The following ADAMTSL1 variants were observed in gnomAD, a reference collection of about 807,000 sequenced individuals.
ADAMTSL1 encodes the protein ADAMTS like 1, also known as ADAMTS-like protein 1.
ADAMTSL1 carries 126 observed loss-of-function variants against 201.8 expected under a neutral mutation model. The observed-to-expected ratio is 0.62, with a 90% CI of 0.54 to 0.72. ADAMTSL1 has a LOEUF of 0.72. Ranked by LOEUF, ADAMTSL1 falls within the 30% of genes least tolerant of loss-of-function variation. The probability of loss-of-function intolerance (pLI) is 0.00; values close to 1 mark genes in which losing one functional copy is unlikely to be tolerated. For missense variants in ADAMTSL1, 2,679 were observed against 2,277.8 expected, an observed-to-expected ratio of 1.18 and a Z score of -3.59; for synonymous variants, 1,121 against 903.4, an observed-to-expected ratio of 1.24 and a Z score of -4.32.
chr9:18,593,608 T>C (rs1824062667), intron 4 of ADAMTSL1, among the ~76,000 whole-genome samples: 1 of 152,156 alleles, frequency 6.6e-6, no homozygotes, highest in Non-Finnish European at 1.5e-5. Context: ...ATGTTTTCAT[T>C]ATCTATAATT....
chr9:18,654,540 G>A (rs2132948801), intron 7 of ADAMTSL1, among the ~76,000 whole-genome samples: 1 of 152,300 alleles, frequency 6.6e-6, no homozygotes, highest in African/African-American at 2.4e-5. Context: ...AAATGTACCT[G>A]CCTCCATGGA....
At chr9:18,863,303 G>A (rs1253833100) in intron 23 of ADAMTSL1, among the ~76,000 whole-genome samples, 1 of 152,206 alleles carries the variant, frequency 6.6e-6, no homozygotes, top group African/African-American at 2.4e-5. Flanking sequence ...TTTTCATGCT[G>A]AGAAATATAT....
intron 15 of ADAMTSL1, among the ~76,000 whole-genome samples, chr9:18,752,240 T>C (rs1819511587): frequency 6.7e-6 from 1 of 150,374 alleles, no homozygotes; most frequent in African/African-American, 2.4e-5. Context: ...TGGAAACAGG[T>C]TGGAAAGTTA....
At chr9:18,886,092 G>C (rs1828835412) in intron 23 of ADAMTSL1, among the ~76,000 whole-genome samples, 2 of 149,452 alleles carry the variant, frequency 1.3e-5, no homozygotes, top group Non-Finnish European at 3.0e-5. Flanking sequence ...TTCAAGAACA[G>C]CCTGGCCAAC....
intron 2 of ADAMTSL1, among the ~76,000 whole-genome samples, chr9:18,224,026 T>C (rs1272984324): frequency 1.3e-5 from 2 of 152,136 alleles, no homozygotes; most frequent in African/African-American, 2.4e-5. Context: ...GCATTCTTTT[T>C]TTTTCTTCTT....
intron 1 of ADAMTSL1, among the ~76,000 whole-genome samples, chr9:17,947,294 A>T (rs911515443): frequency 7.2e-6 from 1 of 139,780 alleles, no homozygotes; most frequent in East Asian, 2.1e-4. Flanking sequence ...ATTGTAAGGC[A>T]TTTACCTTAT....
chr9:18,243,395 C>G (rs1452969691), intron 2 of ADAMTSL1, among the ~76,000 whole-genome samples: 1 of 152,092 alleles, frequency 6.6e-6, no homozygotes, highest in Non-Finnish European at 1.5e-5. Context: ...CTATCCCCAC[C>G]ATCTCTAACC....
chr9:18,079,586 G>A (rs1364160725), intron 1 of ADAMTSL1, among the ~76,000 whole-genome samples: 3 of 151,982 alleles, frequency 2.0e-5, no homozygotes, highest in African/African-American at 7.2e-5. Context: ...GGAGGCTGAG[G>A]CAGGAGAATG....
chr9:18,671,761 A>C (rs1829827085), intron 9 of ADAMTSL1, among the ~76,000 whole-genome samples: 1 of 152,172 alleles, frequency 6.6e-6, no homozygotes, highest in Non-Finnish European at 1.5e-5. Context: ...TATAAAAAGA[A>C]CAGAACCGGC....
At chr9:18,569,004 A>G (rs1049064713) in intron 3 of ADAMTSL1, among the ~76,000 whole-genome samples, 8 of 152,268 alleles carry the variant, frequency 5.3e-5, no homozygotes, top group African/African-American at 1.9e-4. Context: ...CCTGACCCTG[A>G]ATCTACATTA....
At chr9:18,327,987 A>T (rs1307723700) in intron 2 of ADAMTSL1, among the ~76,000 whole-genome samples, 1 of 152,142 alleles carries the variant, frequency 6.6e-6, no homozygotes, top group East Asian at 1.9e-4. Flanking sequence ...CATATACTCT[A>T]TTGTAAGAAA....
rs201331662 is a variant in ADAMTSL1 at position 18,815,525 on chromosome 9, C to CA, written c.3806-1577dup. On this transcript the variant is annotated intron_variant, in intron 20 of 28. Transcript: ENST00000380548. ...GCAACACTGGGAAACCCTGTATCTA[C>CA]AAAAAAATACAAAAAATACAAAAAA... Among the ~76,000 whole-genome samples, 855 of 147,774 alleles carry CA rather than the reference C, an allele frequency of 5.8e-3. 9 individuals carry two copies. Among genetic ancestry groups the CA allele is most frequent in the African/African-American group, 0.018 (714 of 40,102 alleles).
At chr9:18,172,325 T>C (rs1320395843) in intron 2 of ADAMTSL1, among the ~76,000 whole-genome samples, 1 of 151,550 alleles carries the variant, frequency 6.6e-6, no homozygotes, top group East Asian at 1.9e-4. Flanking sequence ...AACAGCCCAA[T>C]AGAAAAAAAT....
At chr9:18,769,382 G>A (rs10113877) in intron 16 of ADAMTSL1, among the ~76,000 whole-genome samples, 4,398 of 152,282 alleles carry the variant, frequency 0.029, 230 homozygotes, top group African/African-American at 0.1. Context: ...GAAGAAATCA[G>A]CAGGCTCCCT....
At chr9:18,317,463 G>C (rs139109386) in intron 2 of ADAMTSL1, among the ~76,000 whole-genome samples, 5 of 152,204 alleles carry the variant, frequency 3.3e-5, no homozygotes, top group Admixed American at 6.5e-5. Context: ...TGATGGATGA[G>C]TTAGCTAATT....
In ADAMTSL1 at chr9:18,611,398, T is replaced by C. The variant is rs575440327; in HGVS notation, c.475-10845T>C. 5.9e-5 allele frequency among the ~76,000 whole-genome samples: 9 copies of C among 152,274 alleles called. No homozygotes were observed. The East Asian group carries it at 1.5e-3, about 26-fold the overall frequency. On this transcript the variant is annotated intron_variant, in intron 4 of 28. Transcript: ENST00000380548. ...GCAGTCCCTGACCATCTGCTGAGAA[T>C]GAATTGTAGTGTCTGTATGCACAAA...
At chr9:17,916,952 T>A (rs73414850) in intron 1 of ADAMTSL1, among the ~76,000 whole-genome samples, 4,155 of 152,274 alleles carry the variant, frequency 0.027, 96 homozygotes, top group African/African-American at 0.065. Flanking sequence ...CAGTATTTGG[T>A]ACAATATTTT....
chr9:18,281,587 G>C (rs1002908712), intron 2 of ADAMTSL1, among the ~76,000 whole-genome samples: 1 of 152,178 alleles, frequency 6.6e-6, no homozygotes, highest in Non-Finnish European at 1.5e-5. Context: ...TTATTTTTGC[G>C]ATTGTCTATT....
intron 1 of ADAMTSL1, among the ~76,000 whole-genome samples, chr9:18,003,096 A>G (rs954619705): frequency 2.0e-5 from 3 of 152,002 alleles, no homozygotes; most frequent in African/African-American, 7.2e-5. Flanking sequence ...TTTATACTAG[A>G]GAATGGATTT....
Sources: gnomAD v4.1 joint callset for allele counts (sites outside exome capture counted in the v4.1 genomes callset) on GRCh38, gnomAD v4.1.1 for gene constraint, MANE v1.5 for transcripts, NCBI Gene and HGNC (gene_info 2026-07-23, HGNC 2026-07-21) for gene names.